Variants in DLAT observed in about 807,000 individuals in gnomAD.
The protein encoded by DLAT is dihydrolipoyllysine-residue acetyltransferase component of pyruvate dehydrogenase complex, mitochondrial.
A neutral mutation model predicts 68.0 loss-of-function variants in DLAT; 43 were observed. The observed-to-expected ratio is 0.63, with a 90% confidence interval of 0.50 to 0.81. DLAT has a LOEUF of 0.81. Ranked by LOEUF, DLAT falls within the 40% of genes least tolerant of loss-of-function variation. DLAT has a pLI of 0.00. For synonymous variants in DLAT, 265 were observed against 288.6 expected, an observed-to-expected ratio of 0.92 and a Z score of 0.83; for missense variants, 745 against 815.4, an observed-to-expected ratio of 0.91 and a Z score of 1.05.
At chr11:112,040,288 T>C (rs1378995875) in intron 7 of DLAT, among the ~76,000 whole-genome samples, 1 of 152,214 alleles carries the variant, frequency 6.6e-6, no homozygotes, top group African/African-American at 2.4e-5. Flanking sequence ...GTGTCAGTCA[T>C]TTAACTTACC....
At chr11:112,045,827 C>G in intron 9 of DLAT, 36 bp from the exon 10 acceptor site, 1 of 1,377,950 alleles carries the variant, frequency 7.3e-7, no homozygotes, top group South Asian at 1.2e-5. Context: ...GGTCTTAACT[C>G]AAGATAATTG....
Position 112,051,348 on chromosome 11 carries a change from CAGTA to C in DLAT, c.1514+4_1514+7del. 1 of 1,592,838 alleles carries C rather than the reference CAGTA, an allele frequency of 6.3e-7. No individual in the cohort carries two copies. The highest frequency in any genetic ancestry group is 8.6e-7 in the Non-Finnish European group (1 of 1,161,170). ...TTCTTGGATGGACACAGTTATAAGA[CAGTA>C]AGTATAACTGGGGAAGATATATATC... is the stretch of plus-strand genomic sequence containing the variant. On this transcript the variant is annotated splice_donor_variant and splice_donor_region_variant and coding_sequence_variant and intron_variant, in exon 11 of 14. Coordinates refer to ENST00000280346, the MANE Select transcript of DLAT (RefSeq NM_001931.5). LOFTEE classifies it high-confidence loss of function. This position sits in a 1 kb window ranked among gnomAD's most constrained non-coding sequence, Gnocchi z 4.3.
At position 112,039,346 on chromosome 11, in the gene DLAT, C is replaced by T. The variant is rs782748917; in HGVS notation, c.1078C>T (p.Leu360Phe). The T allele has an allele frequency of 6.2e-7, 1 of 1,614,092 alleles. No homozygotes were observed. Among genetic ancestry groups the T allele is most frequent in the South Asian group, 1.1e-5 (1 of 91,078 alleles). Residue 360 changes from leucine to phenylalanine, a missense_variant, in exon 7 of 14, where the codon CTT becomes TTT. Transcript: ENST00000280346. ...GPKGRVFVSP[L>F]AKKLAVEKGI... Reference sequence around the variant, plus strand: ...AAAGGGAAGGGTGTTTGTTAGCCCTCTTGCAAAGAAGTTGGCAGTAGAGAA... The same window carrying T: ...AAAGGGAAGGGTGTTTGTTAGCCCTTTTGCAAAGAAGTTGGCAGTAGAGAA...
intron 5 of DLAT, chr11:112,036,984 G>T (rs937591870): frequency 2.8e-5 from 11 of 393,676 alleles, no homozygotes; most frequent in African/African-American, 2.1e-4. Context: ...TTATTGAACA[G>T]ATTTTTATTT....
At position 112,025,548 on chromosome 11, in the gene DLAT, C is replaced by A. The variant is rs946868245; in HGVS notation, c.76C>A (p.Gln26Lys). The A allele has an allele frequency of 6.2e-7, 1 of 1,613,962 alleles. No individual in the cohort carries two copies. Among genetic ancestry groups the A allele is most frequent in the South Asian group, 1.1e-5 (1 of 91,084 alleles). The change falls in exon 1 of 14, where the codon CAG becomes AAG. Residue 26 changes from glutamine to lysine, a missense_variant. Coordinates refer to ENST00000280346, the MANE Select transcript of DLAT (RefSeq NM_001931.5). ...ACTCGAGGCTCGGTGGACGGCCTTG[C>A]AGGAGGTACCCGGAACTCCACGAGT... is the stretch of plus-strand genomic sequence containing the variant. ...AGLEARWTAL[Q>K]EVPGTPRVTS...
chr11:112,041,006 T>C (rs1555180979), intron 7 of DLAT, among the ~76,000 whole-genome samples: 1 of 152,124 alleles, frequency 6.6e-6, no homozygotes, highest in Non-Finnish European at 1.5e-5. Flanking sequence ...GACTGCTATC[T>C]ACACATCAGA....
chr11:112,055,056 T>G (rs1863924201), intron 11 of DLAT, among the ~76,000 whole-genome samples: 1 of 152,096 alleles, frequency 6.6e-6, no homozygotes. Context: ...CATTGATAGG[T>G]TCCAGGGATT....
intron 4 of DLAT, among the ~76,000 whole-genome samples, chr11:112,033,074 T>A (rs1173537220): frequency 6.6e-6 from 1 of 151,958 alleles, no homozygotes; most frequent in African/African-American, 2.4e-5. Context: ...AAAATAAAAA[T>A]AAAAATAAAA....
chr11:112,037,888 A>G (rs11602350), intron 6 of DLAT, among the ~76,000 whole-genome samples: 9,724 of 151,606 alleles, frequency 0.064, 460 homozygotes, highest in Middle Eastern at 0.1. Context: ...ATACTGAATA[A>G]TCTCTGTCAC....
Position 112,025,680 on chromosome 11 carries a change from C to T in DLAT, c.208C>T (p.Arg70Trp), listed in dbSNP as rs782051284. 4.3e-5 allele frequency: 70 copies of T among 1,612,956 alleles called. No homozygotes were observed. The highest frequency in any genetic ancestry group is 5.7e-5 in the Non-Finnish European group (67 of 1,179,990). The change falls in exon 1 of 14, where the codon CGG becomes TGG. Residue 70 changes from arginine to tryptophan, a missense_variant. Coordinates refer to ENST00000280346, the MANE Select transcript of DLAT (RefSeq NM_001931.5). The stretch of plus-strand genomic sequence containing the variant: ...GACCCCCAGTTCTGGGGCCACGCCG[C>T]GGAACCGCTTACTGCTGCAGCTTTT... ...GWTPSSGATP[R>W]NRLLLQLLGS...
Position 112,037,379 on chromosome 11 carries a change from A to G in DLAT, c.894A>G (p.Ala298=). The change falls in exon 6 of 14, where the codon GCA becomes GCG. Residue 298 remains alanine, a synonymous_variant. Transcript: ENST00000280346. Reference sequence around the variant, plus strand: ...TCTGTATCATTGTAGAAAAAGAGGCAGATATATCAGCATTTGCTGACTATA... The same window carrying G: ...TCTGTATCATTGTAGAAAAAGAGGCGGATATATCAGCATTTGCTGACTATA... ...TPLCIIVEKE[A]DISAFADYRP... is the part of the protein sequence containing the mutation. 1 of 1,614,220 alleles carries G rather than the reference A, an allele frequency of 6.2e-7. No homozygotes were observed. Among genetic ancestry groups the G allele is most frequent in the Non-Finnish European group, 8.5e-7 (1 of 1,180,024 alleles).
chr11:112,026,442 T>A, intron 2 of DLAT, 143 bp downstream of exon 2: 1 of 438,022 alleles, frequency 2.3e-6, no homozygotes. Flanking sequence ...AACAAAGGTC[T>A]CTGGTTTTCC....
At chr11:112,052,954 C>T (rs1200470773) in intron 11 of DLAT, among the ~76,000 whole-genome samples, 1 of 152,010 alleles carries the variant, frequency 6.6e-6, no homozygotes, top group Non-Finnish European at 1.5e-5. Context: ...CAGGAAATTC[C>T]GGTTCTAGGG....
chr11:112,036,996 G>T (rs1056482806), intron 5 of DLAT: 3 of 411,548 alleles, frequency 7.3e-6, no homozygotes, highest in African/African-American at 4.1e-5. Context: ...TTTTTATTTG[G>T]CATTTACTTT....
chr11:112,059,760 C>A, intron 11 of DLAT, 143 bp from the exon 12 acceptor site: 1 of 633,878 alleles, frequency 1.6e-6, no homozygotes, highest in Non-Finnish European at 2.6e-6. Flanking sequence ...TTAGGATAGA[C>A]ATCTTAATTT....
At chr11:112,034,519 T>C (rs1267867547) in intron 5 of DLAT, among the ~76,000 whole-genome samples, 2 of 151,886 alleles carry the variant, frequency 1.3e-5, no homozygotes, top group Admixed American at 6.6e-5. Context: ...CTCAGCTCAC[T>C]GCAAGCTCCA....
At position 112,040,996 on chromosome 11, in the gene DLAT, G is replaced by A. The variant is rs1357105304; in HGVS notation, c.1129+1599G>A. Among the ~76,000 whole-genome samples, 5 of 150,660 alleles carry A rather than the reference G, an allele frequency of 3.3e-5. No individual in the cohort carries two copies. In the East Asian group the frequency reaches 7.8e-4, roughly 24 times the overall value. ...GCAGAGTTAGGTGATAAATATCATCGACTGCTATCTACACATCAGACACTT... is the reference window on the plus strand; with the variant it reads ...GCAGAGTTAGGTGATAAATATCATCAACTGCTATCTACACATCAGACACTT... On this transcript the variant is annotated intron_variant, in intron 7 of 13. Transcript: ENST00000280346.
intron 11 of DLAT, among the ~76,000 whole-genome samples, chr11:112,052,424 A>G (rs955631712): frequency 1.3e-5 from 2 of 152,212 alleles, no homozygotes; most frequent in African/African-American, 4.8e-5. Flanking sequence ...GACTGGCTAC[A>G]AACTTGTTGC....
At chr11:112,025,899 G>T in intron 1 of DLAT, 148 bp downstream of exon 1, 1 of 1,023,878 alleles carries the variant, frequency 9.8e-7, no homozygotes. Flanking sequence ...CTTTGCTGTA[G>T]CTCCTTAGTG....
Sources: gnomAD v4.1 joint callset for allele counts (sites outside exome capture counted in the v4.1 genomes callset) on GRCh38, gnomAD v4.1.1 for gene constraint, Gnocchi (gnomAD v3.1) non-coding constraint, MANE v1.5 for transcripts, NCBI Gene and HGNC (gene_info 2026-07-23, HGNC 2026-07-21) for gene names.